SRSF4: variants seen among roughly 807,000 people sequenced by gnomAD.
SRSF4 encodes serine and arginine rich splicing factor 4.
In SRSF4, 12 loss-of-function variants were observed where a neutral mutation model predicts 48.8. The ratio of observed to expected loss-of-function variants is 0.25; its 90% confidence interval spans 0.16 to 0.40. SRSF4 has a LOEUF of 0.40. SRSF4 is among the 10% of genes least tolerant of loss of function. The pLI is 1.00. For synonymous variants in SRSF4, 248 were observed against 232.5 expected, an observed-to-expected ratio of 1.07 and a Z score of -0.61; for missense variants, 466 against 667.1, an observed-to-expected ratio of 0.70 and a Z score of 3.32.
intron 1 of SRSF4, among the ~76,000 whole-genome samples, chr1:29,178,782 C>T (rs1343988088): frequency 1.3e-5 from 2 of 152,230 alleles, no homozygotes; most frequent in Non-Finnish European, 2.9e-5. Context: ...TTTGTACTCA[C>T]TCCTTCCTTT....
chr1:29,149,527 A>G (rs1055600193), intron 5 of SRSF4, among the ~76,000 whole-genome samples: 3 of 151,964 alleles, frequency 2.0e-5, no homozygotes, highest in African/African-American at 7.3e-5. Context: ...TAAAAATACC[A>G]AAAATTAGCC....
At chr1:29,177,294 T>TC (rs1672884610) in intron 1 of SRSF4, among the ~76,000 whole-genome samples, 1 of 151,836 alleles carries the variant, frequency 6.6e-6, no homozygotes, top group African/African-American at 2.4e-5. Flanking sequence ...TTTTTTTTTT[T>TC]TTTTGAGACG....
chr1:29,170,635 T>A (rs921580747), intron 1 of SRSF4: 4 of 152,238 alleles, frequency 2.6e-5, no homozygotes, highest in African/African-American at 9.6e-5. Flanking sequence ...AGTATTTTAA[T>A]GAATTTTTCA....
chr1:29,155,957 A>G (rs1398912211), intron 3 of SRSF4, among the ~76,000 whole-genome samples: 1 of 152,140 alleles, frequency 6.6e-6, no homozygotes, highest in Non-Finnish European at 1.5e-5. Flanking sequence ...ATAAGAGGAG[A>G]TATGATTAGG....
chr1:29,154,441 C>A, intron 4 of SRSF4: 2 of 439,904 alleles, frequency 4.5e-6, no homozygotes, highest in Admixed American at 4.0e-5. Flanking sequence ...GTGATGCGCC[C>A]ACCTTGGCCT....
At position 29,148,507 on chromosome 1, in the gene SRSF4, T is replaced by G. The variant is rs1343029471; in HGVS notation, c.1388A>C (p.Lys463Thr). The change falls in exon 6 of 6, where the codon AAG (lysine) becomes ACG (threonine). Residue 463 changes from lysine to threonine, a missense_variant. By Grantham distance (78) the Lys-to-Thr change is moderately conservative. This residue lies in a region of SRSF4 where 402 missense variants were observed against 437.0 expected (regional missense o/e 0.92). Coordinates refer to ENST00000373795, the MANE Select transcript of SRSF4 (RefSeq NM_005626.5). ...NLPSESRSRS[K>T]SASKTRSRSK... is the part of the protein sequence containing the mutation. ...CCGAGATCGGGTTTTTGAAGCTGAC[T>G]TTGATCTGGAGCGTGATTCTGATGG... is the stretch of plus-strand genomic sequence containing the variant. 6.2e-7 allele frequency: 1 copy of G among 1,614,098 alleles called. No homozygotes were observed. The highest frequency in any genetic ancestry group is 8.5e-7 in the Non-Finnish European group (1 of 1,180,008).
chr1:29,178,068 C>G (rs2151828515), intron 1 of SRSF4, among the ~76,000 whole-genome samples: 1 of 151,164 alleles, frequency 6.6e-6, no homozygotes, highest in Non-Finnish European at 1.5e-5. Flanking sequence ...CCCAGCTAAT[C>G]TTTGTATTTT....
intron 1 of SRSF4, among the ~76,000 whole-genome samples, chr1:29,180,292 A>C (rs1056842111): frequency 3.6e-4 from 55 of 152,338 alleles, no homozygotes; most frequent in Non-Finnish European, 6.3e-4. Flanking sequence ...GTATGTATAC[A>C]ATAACGTCTA....
chr1:29,159,917 G>A, intron 2 of SRSF4: 1 of 175,240 alleles, frequency 5.7e-6, no homozygotes, highest in Non-Finnish European at 1.2e-5. Flanking sequence ...CACCACCCAG[G>A]TCTAATGGGG....
At chr1:29,152,940 G>T (rs1453953021) in intron 4 of SRSF4, among the ~76,000 whole-genome samples, 1 of 149,638 alleles carries the variant, frequency 6.7e-6, no homozygotes, top group Non-Finnish European at 1.5e-5. Context: ...AAAAAAGAAA[G>T]AAAGAAAGGC....
intron 1 of SRSF4, among the ~76,000 whole-genome samples, chr1:29,178,353 C>CTTTTTTTTTT (rs3061128): frequency 1.6e-5 from 2 of 127,906 alleles, no homozygotes; most frequent in Non-Finnish European, 3.2e-5. Context: ...GTTTCAATTA[C>CTTTTTTTTTT]TTTTTTTTTT....
chr1:29,149,603 CCCGTGAGGCAG>C (rs1404758846), intron 5 of SRSF4, among the ~76,000 whole-genome samples: 1 of 151,090 alleles, frequency 6.6e-6, no homozygotes, highest in Non-Finnish European at 1.5e-5. Flanking sequence ...ATCGCTTGAA[CCCGTGAGGCAG>C]AGGTTGCAGT....
intron 5 of SRSF4, among the ~76,000 whole-genome samples, chr1:29,149,681 G>T (rs1237880620): frequency 4.9e-5 from 5 of 101,214 alleles, no homozygotes; most frequent in African/African-American, 1.8e-4. Flanking sequence ...ACTCTGTCTT[G>T]AGGGGGGAAA....
intron 4 of SRSF4, among the ~76,000 whole-genome samples, chr1:29,153,989 TG>T (rs1318991409): frequency 1.3e-5 from 2 of 151,612 alleles, no homozygotes; most frequent in Non-Finnish European, 2.9e-5. Flanking sequence ...CTCTGCCTCC[TG>T]GGTTCAAGCG....
At chr1:29,160,046 G>A (rs1479842758) in intron 2 of SRSF4, 2 of 216,172 alleles carry the variant, frequency 9.3e-6, no homozygotes, top group Non-Finnish European at 1.8e-5. Context: ...AGTCATCTTA[G>A]CCTCAAAGGA....
At chr1:29,159,803 A>C in intron 2 of SRSF4, 1 of 205,080 alleles carries the variant, frequency 4.9e-6, no homozygotes. Flanking sequence ...TACTGGTGTT[A>C]CTCACAGTGA....
intron 1 of SRSF4, among the ~76,000 whole-genome samples, chr1:29,175,397 T>C (rs1412873502): frequency 1.4e-5 from 2 of 143,300 alleles, no homozygotes; most frequent in African/African-American, 2.6e-5. Flanking sequence ...AGAGACTCCA[T>C]CTCAAAAAAA....
chr1:29,170,460 A>C (rs2151821423), intron 1 of SRSF4: 2 of 152,300 alleles, frequency 1.3e-5, no homozygotes, highest in South Asian at 4.1e-4. Flanking sequence ...CCAGGTGTTA[A>C]AGCTTCATTA....
At chr1:29,177,674 G>C (rs1028349380) in intron 1 of SRSF4, among the ~76,000 whole-genome samples, 12 of 152,066 alleles carry the variant, frequency 7.9e-5, no homozygotes, top group African/African-American at 2.4e-4. Flanking sequence ...GGAGATCTTC[G>C]TTGTATTTGT....
Sources: gnomAD v4.1 joint callset for allele counts (sites outside exome capture counted in the v4.1 genomes callset) on GRCh38, gnomAD v4.1.1 for gene constraint, gnomAD v4.1.1 regional missense constraint, MANE v1.5 for transcripts, NCBI Gene and HGNC (gene_info 2026-07-23, HGNC 2026-07-21) for gene names.